The following ANK3 variants were observed in gnomAD, a reference collection of about 807,000 sequenced individuals.
ANK3 encodes ankyrin 3, also known as ankyrin-3.
In ANK3, 57 loss-of-function variants were observed where a neutral mutation model predicts 370.9. The ratio of observed to expected loss-of-function variants is 0.15; its 90% CI spans 0.12 to 0.19. The LOEUF (loss-of-function observed/expected upper bound fraction) is 0.19, where lower values mean the gene tolerates loss of function less well. ANK3 is among the 10% of genes least tolerant of loss of function. The pLI is 1.00. For missense variants in ANK3, 4,439 were observed against 5,302.1 expected, an observed-to-expected ratio of 0.84 and a Z score of 5.06; for synonymous variants, 1,929 against 1,946.3, an observed-to-expected ratio of 0.99 and a Z score of 0.23.
chr10:60,697,479 C>T (rs2079477369), intron 1 of ANK3, among the ~76,000 whole-genome samples: 1 of 150,904 alleles, frequency 6.6e-6, no homozygotes, highest in Non-Finnish European at 1.5e-5. Context: ...AAGCTGGAGG[C>T]ATCACGCTAC....
At position 60,095,346 on chromosome 10, in the gene ANK3, G is replaced by A. The variant is rs371876315; in HGVS notation, c.3329-6988C>T. 1.6e-4 allele frequency among the ~76,000 whole-genome samples: 25 copies of A among 152,258 alleles called. No homozygotes were observed. The South Asian group carries it at 3.3e-3, about 20-fold the overall frequency. ...CTTTAAGTCTTGCTATAAAATATAC[G>A]TACTAGTAGAGACTGGTTATTGTTT... On this transcript the variant is annotated intron_variant, in intron 28 of 43. Coordinates refer to ENST00000280772, the MANE Select transcript of ANK3 (RefSeq NM_020987.5).
intron 2 of ANK3, among the ~76,000 whole-genome samples, chr10:60,444,461 T>C (rs1178480596): frequency 6.6e-6 from 1 of 151,120 alleles, no homozygotes; most frequent in Non-Finnish European, 1.5e-5. Context: ...TATATATATA[T>C]ATAAAGACTA....
chr10:60,447,930 A>G (rs915906809), intron 2 of ANK3, among the ~76,000 whole-genome samples: 1 of 152,200 alleles, frequency 6.6e-6, no homozygotes, highest in Non-Finnish European at 1.5e-5. Flanking sequence ...GTTCCCCTTA[A>G]AGGAATGACA....
At chr10:60,218,082 T>TTTTTC (rs2096970620) in intron 8 of ANK3, among the ~76,000 whole-genome samples, 1 of 146,266 alleles carries the variant, frequency 6.8e-6, no homozygotes, top group Non-Finnish European at 1.5e-5. Flanking sequence ...CAACCCCTGC[T>TTTTTC]TTTTCTTTTT....
intron 11 of ANK3, 98 bp downstream of exon 11, chr10:60,205,694 A>T (rs2096752652): frequency 2.3e-6 from 2 of 877,936 alleles, no homozygotes; most frequent in Admixed American, 3.6e-5. Flanking sequence ...ATGATATGCA[A>T]ACAAACTAGC....
chr10:60,140,431 T>G (rs1235309919), intron 23 of ANK3: 3 of 1,612,996 alleles, frequency 1.9e-6, no homozygotes, highest in African/African-American at 2.7e-5. Flanking sequence ...AAGCAGTGAT[T>G]TAGAATCAAC....
In ANK3 at chr10:60,307,304, G is replaced by C. The variant is rs147984232; in HGVS notation, c.115-27665C>G. On this transcript the variant is annotated intron_variant, in intron 1 of 43. Transcript: ENST00000280772. ...CTGATCTAGAACCAGGAGTTTGGCAGTCGTGGCCTCATGATATAGTTGTAA... is the reference window on the plus strand; with the variant it reads ...CTGATCTAGAACCAGGAGTTTGGCACTCGTGGCCTCATGATATAGTTGTAA... Among the ~76,000 whole-genome samples the C allele has an allele frequency of 1.8e-3, 274 of 152,186 alleles. 2 individuals are homozygous for C. The highest frequency in any genetic ancestry group is 6.3e-3 in the African/African-American group (263 of 41,528).
chr10:60,312,605 C>T (rs78935304), intron 1 of ANK3, among the ~76,000 whole-genome samples: 2 of 152,220 alleles, frequency 1.3e-5, no homozygotes, highest in South Asian at 2.1e-4. Context: ...CAGTGGGACC[C>T]AATTTTCCTG....
intron 25 of ANK3, among the ~76,000 whole-genome samples, chr10:60,116,909 T>C (rs1177274999): frequency 6.6e-6 from 1 of 152,188 alleles, no homozygotes; most frequent in African/African-American, 2.4e-5. Flanking sequence ...GAACCCATTA[T>C]GGTACATCAT....
At chr10:60,109,426 A>G (rs2092507427) in intron 26 of ANK3, among the ~76,000 whole-genome samples, 1 of 152,218 alleles carries the variant, frequency 6.6e-6, no homozygotes, top group Middle Eastern at 3.2e-3. Flanking sequence ...CATTTTAACT[A>G]TAAGTGGTTT....
intron 1 of ANK3, among the ~76,000 whole-genome samples, chr10:60,345,145 T>A (rs539162097): frequency 6.6e-6 from 1 of 152,296 alleles, no homozygotes; most frequent in East Asian, 1.9e-4. Flanking sequence ...CAACTGAGCA[T>A]TAAACTAGAT....
intron 39 of ANK3, 105 bp from the exon 40 acceptor site, chr10:60,063,359 G>C: frequency 1.8e-6 from 2 of 1,137,690 alleles, no homozygotes; most frequent in Non-Finnish European, 2.4e-6. Flanking sequence ...TGACATTTTA[G>C]CTCCTTCTTA....
chr10:60,026,369 A>C lies in ANK3; in HGVS notation c.*3477T>G, dbSNP rs1344151456. On this transcript the variant is annotated 3_prime_UTR_variant, in exon 44 of 44. Coordinates refer to ENST00000280772, the MANE Select transcript of ANK3 (RefSeq NM_020987.5). ...ATTCATGAAACAGAAGCAGTGTGAT[A>C]TGCCTGGGAAATTACACACCTTGTA... 2 of 152,242 alleles carry C rather than the reference A, an allele frequency of 1.3e-5. No individual in the cohort carries two copies. The highest frequency in any genetic ancestry group is 4.8e-5 in the African/African-American group (2 of 41,460). The allele number at this position is 152,242 out of a possible 1,614,324, so 9.4% of individuals were successfully genotyped here.
intron 28 of ANK3, among the ~76,000 whole-genome samples, chr10:60,099,105 T>G (rs1417503555): frequency 6.6e-6 from 1 of 152,194 alleles, no homozygotes; most frequent in Non-Finnish European, 1.5e-5. Flanking sequence ...TACTTTGTAC[T>G]CTGTGTGTAG....
At chr10:60,226,263 ACTAT>A in intron 8 of ANK3, among the ~76,000 whole-genome samples, 3 of 105,624 alleles carry the variant, frequency 2.8e-5, no homozygotes, top group Non-Finnish European at 5.5e-5. Context: ...TATATGTAAT[ACTAT>A]ATATACTATG....
chr10:60,419,211 G>A (rs529393872), intron 2 of ANK3, among the ~76,000 whole-genome samples: 1 of 152,250 alleles, frequency 6.6e-6, no homozygotes, highest in East Asian at 1.9e-4. Context: ...AAAAAGTACT[G>A]GGTCAGGAGT....
chr10:60,346,196 A>G (rs1269548328), intron 1 of ANK3, among the ~76,000 whole-genome samples: 2 of 152,160 alleles, frequency 1.3e-5, no homozygotes, highest in African/African-American at 4.8e-5. Context: ...GCTTTGAAGC[A>G]GGAAATTCTA....
intron 1 of ANK3, among the ~76,000 whole-genome samples, chr10:60,298,906 C>T (rs1280721171): frequency 1.3e-5 from 2 of 152,172 alleles, no homozygotes; most frequent in Non-Finnish European, 2.9e-5. Flanking sequence ...TATGATCATG[C>T]ATATGCAAAG....
At chr10:60,658,223 A>T (rs950891217) in intron 1 of ANK3, among the ~76,000 whole-genome samples, 9 of 148,692 alleles carry the variant, frequency 6.1e-5, no homozygotes, top group East Asian at 2.0e-4. Context: ...TTTGCCTTTT[A>T]AAAAAAAAAT....
Sources: gnomAD v4.1 joint callset for allele counts (sites outside exome capture counted in the v4.1 genomes callset) on GRCh38, gnomAD v4.1.1 for gene constraint, MANE v1.5 for transcripts, NCBI Gene and HGNC (gene_info 2026-07-23, HGNC 2026-07-21) for gene names.